RHPN2: variants seen among roughly 807,000 people sequenced by gnomAD.
The protein encoded by RHPN2 is rhophilin-2.
RHPN2 carries 40 observed loss-of-function variants against 79.0 expected under a neutral mutation model. The ratio of observed to expected loss-of-function variants is 0.51; its 90% CI spans 0.39 to 0.66. The LOEUF (loss-of-function observed/expected upper bound fraction) is 0.66, where lower values mean the gene tolerates loss of function less well. Ranked by LOEUF, RHPN2 falls within the 30% of genes least tolerant of loss-of-function variation. RHPN2 has a pLI of 0.00. For missense variants in RHPN2, 686 were observed against 883.5 expected (o/e 0.78, Z 2.83); for synonymous variants, 285 against 363.5 (o/e 0.78, Z 2.46).
At chr19:33,020,873 T>C (rs1971918689) in intron 4 of RHPN2, among the ~76,000 whole-genome samples, 1 of 152,208 alleles carries the variant, frequency 6.6e-6, no homozygotes, top group African/African-American at 2.4e-5. Context: ...AATGCGCAGA[T>C]GGACAAATAT....
At chr19:32,998,248 C>T (rs1174684325) in intron 10 of RHPN2, among the ~76,000 whole-genome samples, 2 of 152,182 alleles carry the variant, frequency 1.3e-5, no homozygotes, top group Non-Finnish European at 2.9e-5. Flanking sequence ...GCACTGTACA[C>T]ATGTGGCTTC....
At chr19:33,064,373 C>A (rs1972308063) in intron 1 of RHPN2, among the ~76,000 whole-genome samples, 1 of 152,272 alleles carries the variant, frequency 6.6e-6, no homozygotes, top group East Asian at 1.9e-4. Context: ...TGTCTCCACC[C>A]GCGCTCCCAC....
chr19:33,063,834 C>T (rs1330193626), intron 1 of RHPN2, among the ~76,000 whole-genome samples: 1 of 151,140 alleles, frequency 6.6e-6, no homozygotes, highest in Non-Finnish European at 1.5e-5. Context: ...CCGCCGCCCG[C>T]CGCCAGCCCC....
intron 14 of RHPN2, among the ~76,000 whole-genome samples, chr19:32,985,673 G>A (rs552449471): frequency 1.9e-4 from 29 of 152,078 alleles, no homozygotes; most frequent in East Asian, 1.6e-3. Flanking sequence ...ACTCTGTCAC[G>A]CAGGCTGGAG....
chr19:32,989,676 TAA>T (rs145008336), intron 14 of RHPN2, among the ~76,000 whole-genome samples: 3 of 152,070 alleles, frequency 2.0e-5, no homozygotes, highest in African/African-American at 7.3e-5. Context: ...AGGATATTTT[TAA>T]AAGTTTGCTA....
rs1599832590 is a variant in RHPN2, at chr19:33,044,824, C to T, written c.70-460G>A. ...CACGAGAATCGCTTGAACCTGGGTG[C>T]TGAAGGTTGCAGTGAGCCGAGATTA... On this transcript the variant is annotated intron_variant, in intron 1 of 14. Transcript: ENST00000254260. 1.3e-5 allele frequency among the ~76,000 whole-genome samples: 2 copies of T among 152,252 alleles called. 1 individual carries two copies. The highest frequency in any genetic ancestry group is 1.3e-4 in the Admixed American group (2 of 15,274).
Position 33,037,888 on chromosome 19 carries a change from C to T in RHPN2, c.185+6361G>A, listed in dbSNP as rs113969764. Among the ~76,000 whole-genome samples, 532 of 152,142 alleles carry T rather than the reference C, an allele frequency of 3.5e-3. 4 individuals carry two copies. Among genetic ancestry groups the T allele is most frequent in the African/African-American group, 0.012 (491 of 41,460 alleles). On this transcript the variant is annotated intron_variant, in intron 2 of 14. Coordinates refer to ENST00000254260, the MANE Select transcript of RHPN2 (RefSeq NM_033103.5). ...ATTGCACTGCTACACTCAGTGTGGG[C>T]AACAGAGTGAGACCTCCTCTCAAAA...
Position 32,995,976 on chromosome 19 carries a change from T to C in RHPN2, c.1420+50A>G. 2.5e-6 allele frequency: 4 copies of C among 1,598,480 alleles called. No individual in the cohort carries two copies. The Admixed American group carries it at 6.7e-5, about 27-fold the overall frequency. On this transcript the variant is annotated intron_variant, in intron 11 of 14. Transcript: ENST00000254260. ...AACCCCCACAGGCCAGGCGTACTCT[T>C]TCCGCGGCACAGGCACCCCCACAGA...
At chr19:32,985,381 A>G (rs34240533) in intron 14 of RHPN2, among the ~76,000 whole-genome samples, 20,782 of 152,186 alleles carry the variant, frequency 0.14, 1,513 homozygotes, top group Middle Eastern at 0.18. Flanking sequence ...TTATGCCTGT[A>G]ATCCCGGCAC....
At chr19:33,032,765 A>G (rs1246408164) in intron 2 of RHPN2, among the ~76,000 whole-genome samples, 1 of 152,170 alleles carries the variant, frequency 6.6e-6, no homozygotes, top group African/African-American at 2.4e-5. Context: ...ATCCCTCAGT[A>G]TCAGGAATGG....
intron 14 of RHPN2, among the ~76,000 whole-genome samples, chr19:32,982,917 C>A (rs942028453): frequency 1.3e-5 from 2 of 152,034 alleles, no homozygotes; most frequent in Non-Finnish European, 2.9e-5. Context: ...TATCTTCGCT[C>A]TCCTCCTGAA....
chr19:33,002,916 A>T lies in RHPN2; in HGVS notation c.845T>A (p.Met282Lys), dbSNP rs775937855. The change falls in exon 8 of 15, where the codon ATG becomes AAG. Residue 282 changes from methionine (M) to lysine (K), a missense_variant. Met to Lys is a moderately conservative substitution (Grantham distance 95). Transcript: ENST00000254260. ...SPAMLSVLVK[M>K]MLAQAQESVF... ...GCTTTCTTGGGCTTGTGCAAGCATC[A>T]TTTTGACGAGCACGCTGAGCATGGC... 5.6e-5 allele frequency: 91 copies of T among 1,613,806 alleles called. No homozygotes were observed. Among genetic ancestry groups the T allele is most frequent in the Non-Finnish European group, 7.3e-5 (86 of 1,179,870 alleles).
intron 1 of RHPN2, among the ~76,000 whole-genome samples, chr19:33,055,543 T>A (rs1183729894): frequency 6.6e-6 from 1 of 151,896 alleles, no homozygotes; most frequent in Non-Finnish European, 1.5e-5. Context: ...GAGCTGCTGA[T>A]CCCACATGAC....
intron 1 of RHPN2, among the ~76,000 whole-genome samples, chr19:33,047,950 T>TA (rs1276437527): frequency 6.6e-6 from 1 of 152,006 alleles, no homozygotes; most frequent in East Asian, 1.9e-4. Context: ...ATAATAAAAA[T>TA]AAAAGACTTC....
At position 32,979,974 on chromosome 19, in the gene RHPN2, T is replaced by G; in HGVS notation, c.*22A>C. 6.2e-7 allele frequency: 1 copy of G among 1,613,660 alleles called. No homozygotes were observed. Among genetic ancestry groups the G allele is most frequent in the Non-Finnish European group, 8.5e-7 (1 of 1,179,606 alleles). On this transcript the variant is annotated 3_prime_UTR_variant, in exon 15 of 15. Coordinates refer to ENST00000254260, the MANE Select transcript of RHPN2 (RefSeq NM_033103.5). ...GTCAGCACCGGAAATGTTCAGGGCC[T>G]GAACATGTTTGTTTCCTCACATTAG...
intron 14 of RHPN2, among the ~76,000 whole-genome samples, chr19:32,982,421 TAATA>T (rs1377533391): frequency 6.6e-6 from 1 of 151,616 alleles, no homozygotes; most frequent in Non-Finnish European, 1.5e-5. Flanking sequence ...AATAAATAAA[TAATA>T]AATAAATAAA....
chr19:33,063,808 A>G (rs868020219), intron 1 of RHPN2, among the ~76,000 whole-genome samples: 25 of 131,240 alleles, frequency 1.9e-4, no homozygotes, highest in African/African-American at 4.2e-4. Flanking sequence ...GGCACCCGCC[A>G]CCCGCCGCCC....
In RHPN2 at chr19:33,064,880, C is replaced by G. The variant is rs1328182346; in HGVS notation, c.-28G>C. On this transcript the variant is annotated 5_prime_UTR_variant, in exon 1 of 15. Coordinates refer to ENST00000254260, the MANE Select transcript of RHPN2 (RefSeq NM_033103.5). ...TAGCGGCGCGGGCGCGGAGGGCGGA[C>G]GGCGGACTGAGGCGCGGCGGCTGAG... 6.0e-6 allele frequency: 9 copies of G among 1,490,728 alleles called. No homozygotes were observed. Among genetic ancestry groups the G allele is most frequent in the Middle Eastern group, 2.4e-4 (1 of 4,232 alleles). The allele number at this position is 1,490,728 out of a possible 1,614,324, so 92.3% of individuals were successfully genotyped here.
At chr19:33,009,413 T>C (rs1599816474) in intron 6 of RHPN2, among the ~76,000 whole-genome samples, 1 of 152,308 alleles carries the variant, frequency 6.6e-6, no homozygotes, top group East Asian at 1.9e-4. Context: ...CTCATAATTC[T>C]TTCTGAAATC....
Sources: gnomAD v4.1 joint callset for allele counts (sites outside exome capture counted in the v4.1 genomes callset) on GRCh38, gnomAD v4.1.1 for gene constraint, MANE v1.5 for transcripts, NCBI Gene and HGNC (gene_info 2026-07-23, HGNC 2026-07-21) for gene names.